Variants in SERPINB12 observed in about 807,000 individuals in gnomAD.
SERPINB12 encodes serpin B12.
In SERPINB12, 57 loss-of-function variants were observed where a neutral mutation model predicts 41.1. The ratio of observed to expected loss-of-function variants is 1.39; its 90% CI spans 1.12 to 1.73. The LOEUF (loss-of-function observed/expected upper bound fraction) is 1.73. Ranked by LOEUF, SERPINB12 falls within the 40% of genes most tolerant of loss-of-function variation. SERPINB12 has a pLI of 0.00. For synonymous variants in SERPINB12, 180 were observed against 181.3 expected (o/e 0.99, Z 0.06); for missense variants, 536 against 501.9 (o/e 1.07, Z -0.65).
rs191144301 is a variant in SERPINB12 at position 63,556,523 on chromosome 18, C to T, written c.168+196C>T. Among the ~76,000 whole-genome samples, 318 of 152,310 alleles carry T rather than the reference C, an allele frequency of 2.1e-3. 5 individuals are homozygous for T. The highest frequency in any genetic ancestry group is 1.1e-3 in the Non-Finnish European group (78 of 68,032). On this transcript the variant is annotated intron_variant, in intron 2 of 7. Transcript: ENST00000382768. ...CGATCCTACCATTCTTAAAGTCTCACTTAAACTTGTACCTTCTTTAGGGTG... is the reference window on the plus strand; with the variant it reads ...CGATCCTACCATTCTTAAAGTCTCATTTAAACTTGTACCTTCTTTAGGGTG...
In SERPINB12 at chr18:63,558,394, C is replaced by A; in HGVS notation, c.211C>A (p.Pro71Thr). The A allele has an allele frequency of 6.2e-7, 1 of 1,613,950 alleles. No individual in the cohort carries two copies. Among genetic ancestry groups the A allele is most frequent in the South Asian group, 1.1e-5 (1 of 91,050 alleles). The change falls in exon 3 of 8, where the codon CCT becomes ACT. Residue 71 changes from proline to threonine, a missense_variant. Coordinates refer to ENST00000382768, the MANE Select transcript of SERPINB12 (RefSeq NM_001307928.2). ...ATTTTCCCAGAATGAAAGCAAAGAA[C>A]CTGACCCTTGTCTGAAAAGCAACAA... ...NEFSQNESKE[P>T]DPCLKSNKQK...
At chr18:63,530,869 G>T in the SERPINB12 span, among the ~76,000 whole-genome samples, 5 of 152,154 alleles carry the variant, frequency 3.3e-5, no homozygotes, top group East Asian at 9.6e-4. Context: ...CAAGGCGGCC[G>T]ACTTTGAACC....
the SERPINB12 span, among the ~76,000 whole-genome samples, chr18:63,519,685 G>A: frequency 6.6e-6 from 1 of 152,216 alleles, no homozygotes; most frequent in East Asian, 1.9e-4. Flanking sequence ...AGCCCTGAAG[G>A]CTGGGAGTTG....
rs745378840 is a variant in SERPINB12, at chr18:63,566,798, A to C, written c.1065A>C (p.Pro355=). Residue 355 remains proline, a synonymous_variant, in exon 8 of 8, where the codon CCA becomes CCC. Coordinates refer to ENST00000382768, the MANE Select transcript of SERPINB12 (RefSeq NM_001307928.2). ...GGGCTGATCTTACTGGAATCTCTCC[A>C]AGTCCCAATTTGTACTTGTCAAAAA... ...ETRADLTGIS[P]SPNLYLSKII... 2.4e-5 allele frequency: 38 copies of C among 1,614,022 alleles called. No homozygotes were observed. Among genetic ancestry groups the C allele is most frequent in the South Asian group, 3.3e-5 (3 of 91,076 alleles).
rs560970254 is a variant in SERPINB12, at chr18:63,550,958, T to C, written c.-18-5184T>C. 4.6e-5 allele frequency among the ~76,000 whole-genome samples: 7 copies of C among 152,300 alleles called. No homozygotes were observed. The South Asian group carries it at 1.5e-3, about 32-fold the overall frequency. On this transcript the variant is annotated intron_variant, in intron 1 of 7. Coordinates refer to ENST00000382768, the MANE Select transcript of SERPINB12 (RefSeq NM_001307928.2). ...GTTTTGCCAGTTTTGGAACTTTATG[T>C]AAGTGGAATCATACAGTATGAAAGT...
chr18:63,567,712 G>A lies in SERPINB12; in HGVS notation c.*701G>A, dbSNP rs1420884101. 6.6e-6 allele frequency among the ~76,000 whole-genome samples: 1 copy of A among 152,234 alleles called. No homozygotes were observed. Among genetic ancestry groups the A allele is most frequent in the Admixed American group, 6.5e-5 (1 of 15,286 alleles). ...CAGGAAAGTGGCTAGTGGATTTAGA[G>A]GAGGTTTATCTCAGTTTTCCTTATT... On this transcript the variant is annotated 3_prime_UTR_variant, in exon 8 of 8. Coordinates refer to ENST00000382768, the MANE Select transcript of SERPINB12 (RefSeq NM_001307928.2).
upstream of SERPINB12, among the ~76,000 whole-genome samples, chr18:63,540,327 T>A (rs1175133698): frequency 1.3e-5 from 2 of 151,958 alleles, no homozygotes; most frequent in East Asian, 3.9e-4. Flanking sequence ...CTCCCTGGAG[T>A]ACAATTCAAC....
intron 1 of SERPINB12, among the ~76,000 whole-genome samples, chr18:63,555,048 C>A (rs1238846131): frequency 6.6e-6 from 1 of 152,178 alleles, no homozygotes; most frequent in African/African-American, 2.4e-5. Context: ...GAGGCTTCCC[C>A]AGCCATGCGG....
At chr18:63,532,781 G>A in the SERPINB12 span, among the ~76,000 whole-genome samples, 1 of 152,128 alleles carries the variant, frequency 6.6e-6, no homozygotes, top group South Asian at 2.1e-4. Context: ...TCTGAGTGAT[G>A]TTTGATGAAT....
At chr18:63,538,710 G>A (rs994019967), upstream of SERPINB12, among the ~76,000 whole-genome samples, 4 of 152,084 alleles carry the variant, frequency 2.6e-5, no homozygotes, top group Admixed American at 6.6e-5. Context: ...TTATACCTAT[G>A]AGTGGAATTG....
At chr18:63,558,071 A>G (rs1378518) in intron 2 of SERPINB12, among the ~76,000 whole-genome samples, 6,276 of 152,246 alleles carry the variant, frequency 0.041, 157 homozygotes, top group East Asian at 0.062. Flanking sequence ...TTGGGTATCT[A>G]TGAAATGCTC....
the SERPINB12 span, among the ~76,000 whole-genome samples, chr18:63,526,382 A>G: frequency 6.6e-6 from 1 of 152,168 alleles, no homozygotes; most frequent in Admixed American, 6.5e-5. Context: ...ATCATAGTTC[A>G]CTGCAGCCTT....
intron 1 of SERPINB12, among the ~76,000 whole-genome samples, chr18:63,548,104 A>G (rs1260051354): frequency 6.6e-6 from 1 of 152,128 alleles, no homozygotes; most frequent in Non-Finnish European, 1.5e-5. Context: ...AAGGGAAACA[A>G]ATGTTGTATG....
intron 1 of SERPINB12, among the ~76,000 whole-genome samples, chr18:63,549,847 A>G (rs1056777163): frequency 2.6e-5 from 4 of 152,166 alleles, no homozygotes; most frequent in African/African-American, 9.7e-5. Flanking sequence ...GTCACTCAGG[A>G]CATGGCTTTT....
the SERPINB12 span, among the ~76,000 whole-genome samples, chr18:63,532,851 G>A: frequency 2.6e-5 from 4 of 152,218 alleles, no homozygotes; most frequent in African/African-American, 9.6e-5. Flanking sequence ...CGCCATTCTT[G>A]TTTTTAGACC....
At chr18:63,538,155 G>C (rs1910209746), upstream of SERPINB12, among the ~76,000 whole-genome samples, 1 of 152,140 alleles carries the variant, frequency 6.6e-6, no homozygotes, top group South Asian at 2.1e-4. Context: ...TCTGTTGAAA[G>C]CAACATGTCT....
rs1910675702 is a variant in SERPINB12 at position 63,556,299 on chromosome 18, G to A, written c.140G>A (p.Arg47Lys). 1 of 1,614,046 alleles carries A rather than the reference G, an allele frequency of 6.2e-7. No homozygotes were observed. Among genetic ancestry groups the A allele is most frequent in the Non-Finnish European group, 8.5e-7 (1 of 1,179,946 alleles). ...CTTGGTATGGTACGCTTGGGTGCTA[G>A]AAGTGACAGTGCACATCAGATTGAT... ...AALGMVRLGA[R>K]SDSAHQIDEV... Residue 47 changes from arginine (R) to lysine (K), a missense_variant, in exon 2 of 8, where the codon AGA becomes AAA. Coordinates refer to ENST00000382768, the MANE Select transcript of SERPINB12 (RefSeq NM_001307928.2).
At chr18:63,547,389 C>T (rs937675777) in intron 1 of SERPINB12, among the ~76,000 whole-genome samples, 4 of 150,902 alleles carry the variant, frequency 2.7e-5, no homozygotes, top group Non-Finnish European at 5.9e-5. Context: ...AGTTGGAAAA[C>T]ACTTTCGATG....
chr18:63,564,150 C>G (rs774713776), intron 6 of SERPINB12, 30 bp downstream of exon 6: 4 of 1,590,518 alleles, frequency 2.5e-6, no homozygotes, highest in Non-Finnish European at 3.4e-6. Context: ...GGTTTTCTAG[C>G]TAGCCAACTC....
Sources: allele counts gnomAD v4.1 joint callset (sites outside exome capture counted in the v4.1 genomes callset), GRCh38; gene constraint gnomAD v4.1.1; transcripts MANE v1.5; gene names NCBI Gene and HGNC (gene_info 2026-07-23, HGNC 2026-07-21).